SYTL3: variants seen among roughly 807,000 people sequenced by gnomAD.
SYTL3 encodes the protein synaptotagmin like 3.
A neutral mutation model predicts 82.1 loss-of-function variants in SYTL3; 88 were observed. The ratio of observed to expected loss-of-function variants is 1.07; its 90% CI spans 0.90 to 1.28. The LOEUF is 1.28. Ranked by LOEUF, SYTL3 falls within the 50% of genes most tolerant of loss-of-function variation. SYTL3 has a pLI of 0.00. For missense variants in SYTL3, 831 were observed against 757.6 expected (o/e 1.10, Z -1.14); for synonymous variants, 311 against 289.4 (o/e 1.07, Z -0.76).
At chr6:158,760,588 G>A in intron 14 of SYTL3, 52 bp from the exon 15 acceptor site, 2 of 1,506,304 alleles carry the variant, frequency 1.3e-6, no homozygotes, top group Non-Finnish European at 1.8e-6. Context: ...GAACCCAGAA[G>A]GTTCTTGGGA....
chr6:158,688,360 T>C (rs1779508355), intron 6 of SYTL3, among the ~76,000 whole-genome samples: 1 of 152,102 alleles, frequency 6.6e-6, no homozygotes, highest in Admixed American at 6.5e-5. Context: ...CCTCTGGGAG[T>C]GTGTGCTTAT....
rs764479125 is a variant in SYTL3, at chr6:158,663,316, G to C, written c.48G>C (p.Glu16Asp). The C allele has an allele frequency of 1.9e-6, 3 of 1,614,146 alleles. No homozygotes were observed. In the East Asian group the frequency reaches 6.7e-5, roughly 36 times the overall value. ...GTGCTCTCAAGGAGTTAGAACGCGAGGCCATTCTCCAGGTCCTGTACCGAG... is the reference window on the plus strand; with the variant it reads ...GTGCTCTCAAGGAGTTAGAACGCGACGCCATTCTCCAGGTCCTGTACCGAG... ...DLSALKELER[E>D]AILQVLYRDQ... Residue 16 changes from glutamate (E) to aspartate (D), a missense_variant, in exon 4 of 18, where the codon GAG (glutamate) becomes GAC (aspartate). Glu to Asp is a conservative substitution (Grantham distance 45). Transcript: ENST00000611299.
At chr6:158,650,040 G>C (rs1201206608), upstream of SYTL3, 1 of 152,106 alleles carries the variant, frequency 6.6e-6, no homozygotes, top group East Asian at 1.9e-4. Context: ...CTTCTCTGCA[G>C]AGCCGGCTCT....
At chr6:158,735,209 C>T (rs1302827694) in intron 11 of SYTL3, among the ~76,000 whole-genome samples, 2 of 152,078 alleles carry the variant, frequency 1.3e-5, no homozygotes, top group African/African-American at 4.8e-5. Context: ...CCCTTTGCTG[C>T]TTAGGGACTT....
chr6:158,734,531 A>G (rs1036845711), intron 11 of SYTL3, among the ~76,000 whole-genome samples: 1 of 152,094 alleles, frequency 6.6e-6, no homozygotes, highest in Admixed American at 6.6e-5. Context: ...GGACCCCCAG[A>G]CACATCCCAC....
At chr6:158,732,712 A>C (rs1273155706) in intron 11 of SYTL3, among the ~76,000 whole-genome samples, 1 of 152,232 alleles carries the variant, frequency 6.6e-6, no homozygotes, top group Non-Finnish European at 1.5e-5. Flanking sequence ...AATAGGATGC[A>C]GTAACGTCAG....
At chr6:158,759,527 T>A (rs1298632076) in intron 14 of SYTL3, among the ~76,000 whole-genome samples, 1 of 152,098 alleles carries the variant, frequency 6.6e-6, no homozygotes, top group East Asian at 1.9e-4. Context: ...ACGGCTCTGT[T>A]TTTTGGTTGT....
intron 5 of SYTL3, among the ~76,000 whole-genome samples, chr6:158,669,354 C>T (rs991029135): frequency 1.3e-5 from 2 of 152,170 alleles, no homozygotes; most frequent in Non-Finnish European, 2.9e-5. Context: ...TCTTGTCATG[C>T]TTTGTAATTG....
chr6:158,693,996 T>C (rs1263211071), intron 6 of SYTL3, among the ~76,000 whole-genome samples: 2 of 151,974 alleles, frequency 1.3e-5, no homozygotes, highest in Admixed American at 1.3e-4. Flanking sequence ...CCTGGCCTGC[T>C]TTTATTTTAA....
intron 11 of SYTL3, among the ~76,000 whole-genome samples, chr6:158,742,582 CT>C (rs1274265535): frequency 2.9e-4 from 36 of 123,962 alleles, no homozygotes; most frequent in South Asian, 2.1e-3. Flanking sequence ...TTTTTTTTTG[CT>C]TTTTTTTTTT....
At position 158,764,575 on chromosome 6, in the gene SYTL3, T is replaced by C; in HGVS notation, c.1804T>C (p.Trp602Arg). The change falls in exon 18 of 18, where the codon TGG (tryptophan) becomes CGG (arginine). Residue 602 changes from tryptophan (W) to arginine (R), a missense_variant. Coordinates refer to ENST00000611299, the MANE Select transcript of SYTL3 (RefSeq NM_001242394.2). ...GAAAGTCCTTTCCAGCCCCAATCTATGGACAGACATGACTCTTGTCCTGCA... is the reference window on the plus strand; with the variant it reads ...GAAAGTCCTTTCCAGCCCCAATCTACGGACAGACATGACTCTTGTCCTGCA... ...WQKVLSSPNLWTDMTLVLH is the reference protein window; with the variant it reads ...WQKVLSSPNLRTDMTLVLH The C allele has an allele frequency of 6.2e-7, 1 of 1,614,074 alleles. No homozygotes were observed. Among genetic ancestry groups the C allele is most frequent in the Non-Finnish European group, 8.5e-7 (1 of 1,179,956 alleles).
chr6:158,745,124 A>G (rs938426966), intron 11 of SYTL3, among the ~76,000 whole-genome samples: 1 of 151,894 alleles, frequency 6.6e-6, no homozygotes, highest in Non-Finnish European at 1.5e-5. Context: ...CGCTTTCCGC[A>G]TAGCTGTCCT....
chr6:158,744,713 C>G (rs1482807876), intron 11 of SYTL3, among the ~76,000 whole-genome samples: 1 of 152,102 alleles, frequency 6.6e-6, no homozygotes, highest in Non-Finnish European at 1.5e-5. Flanking sequence ...GGCTTGTCTT[C>G]CTATAAAAAG....
Position 158,733,913 on chromosome 6 carries a change from C to T in SYTL3, c.855+8276C>T, listed in dbSNP as rs189015925. ...GAGATCAAGACCATCCTGGCTAACA[C>T]GGTGAAACCCCGTCTCTACTAAAAA... is the stretch of plus-strand genomic sequence containing the variant. On this transcript the variant is annotated intron_variant, in intron 11 of 17. Transcript: ENST00000611299. Among the ~76,000 whole-genome samples the T allele has an allele frequency of 9.1e-3, 1,371 of 150,972 alleles. 13 individuals carry two copies. The highest frequency in any genetic ancestry group is 0.03 in the African/African-American group (1,241 of 41,278).
intron 6 of SYTL3, among the ~76,000 whole-genome samples, chr6:158,692,646 G>A (rs1270264288): frequency 6.6e-6 from 1 of 151,682 alleles, no homozygotes; most frequent in African/African-American, 2.4e-5. Context: ...ATTAAAAGAA[G>A]CAGGTGCCAG....
At chr6:158,688,125 T>G (rs1191995278) in intron 6 of SYTL3, among the ~76,000 whole-genome samples, 2 of 152,234 alleles carry the variant, frequency 1.3e-5, no homozygotes, top group Admixed American at 1.3e-4. Context: ...TATTGATGAC[T>G]CCATAAAATA....
At chr6:158,697,474 T>C (rs1780686879) in intron 6 of SYTL3, among the ~76,000 whole-genome samples, 1 of 151,824 alleles carries the variant, frequency 6.6e-6, no homozygotes. Context: ...ATTCACGACA[T>C]TGGATCTGAT....
In SYTL3 at chr6:158,745,799, C is replaced by T. The variant is rs967092200; in HGVS notation, c.1034+141C>T. On this transcript the variant is annotated intron_variant, in intron 12 of 17. Transcript: ENST00000611299. ...GCTTACTTCAAGTATTATTATAAAG[C>T]TGTAGCAATGCAAACAATGTGTTAT... 12 of 730,532 alleles carry T rather than the reference C, an allele frequency of 1.6e-5. 1 individual carries two copies. Among genetic ancestry groups the T allele is most frequent in the South Asian group, 2.0e-5 (1 of 48,950 alleles). The allele number at this position is 730,532 out of a possible 1,614,324, so 45.3% of individuals were successfully genotyped here. A position where few individuals can be genotyped will look rare whatever the true frequency, so the allele number is the denominator to read the frequency against.
chr6:158,762,785 C>T (rs556881150), intron 16 of SYTL3, among the ~76,000 whole-genome samples: 8 of 152,148 alleles, frequency 5.3e-5, no homozygotes, highest in South Asian at 2.1e-4. Context: ...GGTGTGGTGG[C>T]GGGCACCTAT....
Sources: allele counts gnomAD v4.1 joint callset (sites outside exome capture counted in the v4.1 genomes callset), GRCh38; gene constraint gnomAD v4.1.1; transcripts MANE v1.5; gene names NCBI Gene and HGNC (gene_info 2026-07-23, HGNC 2026-07-21).